Variants in PPP1R12B observed in about 807,000 individuals in gnomAD.
PPP1R12B encodes myosin phosphatase target subunit 2.
In PPP1R12B, 76 loss-of-function variants were observed where a neutral mutation model predicts 126.1. The observed-to-expected ratio is 0.60, with a 90% confidence interval of 0.50 to 0.73. The LOEUF (loss-of-function observed/expected upper bound fraction) is 0.73, where lower values mean the gene tolerates loss of function less well. Among genes scored for constraint, PPP1R12B ranks in the 30% least tolerant of loss-of-function variants. PPP1R12B has a pLI of 0.00. For missense variants in PPP1R12B, 1,052 were observed against 1,205.1 expected (o/e 0.87, Z 1.88); for synonymous variants, 356 against 434.7 (o/e 0.82, Z 2.25).
chr1:202,518,673 G>A (rs1291702431), intron 18 of PPP1R12B, among the ~76,000 whole-genome samples: 2 of 152,212 alleles, frequency 1.3e-5, no homozygotes, highest in East Asian at 3.8e-4. Flanking sequence ...GAGACTAAAT[G>A]TGACTTTTTT....
At chr1:202,383,924 A>T (rs1370222364) in intron 1 of PPP1R12B, among the ~76,000 whole-genome samples, 1 of 152,190 alleles carries the variant, frequency 6.6e-6, no homozygotes, top group Non-Finnish European at 1.5e-5. Flanking sequence ...TGTTTCTAGG[A>T]TGTTGTTGCT....
intron 23 of PPP1R12B, among the ~76,000 whole-genome samples, chr1:202,573,713 G>A (rs892343129): frequency 6.6e-6 from 1 of 152,164 alleles, no homozygotes; most frequent in Non-Finnish European, 1.5e-5. Flanking sequence ...GTCTTTAAAT[G>A]TCTTATGGAA....
In PPP1R12B at chr1:202,580,545, C is replaced by G; in HGVS notation, c.2934C>G (p.Ser978Arg). The change falls in exon 24 of 24, where the codon AGC (serine) becomes AGG (arginine). Residue 978 changes from serine (S) to arginine (R), a missense_variant. Transcript: ENST00000608999. ...DENGALIRVI[S>R]KLSK The stretch of plus-strand genomic sequence containing the variant: ...ATGGTGCCCTCATCAGAGTCATCAG[C>G]AAACTGTCCAAGTAGGCTAGGCTCC... The G allele has an allele frequency of 6.2e-7, 1 of 1,613,286 alleles. No individual in the cohort carries two copies. Among genetic ancestry groups the G allele is most frequent in the Non-Finnish European group, 8.5e-7 (1 of 1,179,222 alleles).
chr1:202,489,029 A>G (rs1334114806), intron 14 of PPP1R12B, among the ~76,000 whole-genome samples: 2 of 152,050 alleles, frequency 1.3e-5, no homozygotes, highest in African/African-American at 4.8e-5. Context: ...ACAGAGCGAG[A>G]CTCCATCTCA....
chr1:202,373,591 T>C (rs900035129), intron 1 of PPP1R12B, among the ~76,000 whole-genome samples: 1 of 152,178 alleles, frequency 6.6e-6, no homozygotes, highest in African/African-American at 2.4e-5. Flanking sequence ...CCTTCCTTTT[T>C]TTATTGTCAG....
In PPP1R12B at chr1:202,541,666, A is replaced by G. The variant is rs77971552; in HGVS notation, c.2491-17211A>G. Among the ~76,000 whole-genome samples the G allele has an allele frequency of 2.5e-3, 375 of 152,318 alleles. 2 individuals are homozygous for G. The highest frequency in any genetic ancestry group is 8.8e-3 in the African/African-American group (367 of 41,568). On this transcript the variant is annotated intron_variant, in intron 18 of 23. Transcript: ENST00000608999. ...CCCTTATTAATGTCTCTTCACCACT[A>G]TAACCATAGCTCCCAGAGCAATGTG...
rs1292335526 is a variant in PPP1R12B, at chr1:202,591,753, T to C, written c.*11193T>C. On this transcript the variant is annotated 3_prime_UTR_variant, in exon 24 of 24. Coordinates refer to ENST00000608999, the MANE Select transcript of PPP1R12B (RefSeq NM_002481.4). ...CAGACCCTCACACTACAGAGGTGAG[T>C]AAGCAGGGATGGTTCTGTCATCCCT... is the stretch of plus-strand genomic sequence containing the variant. 2 of 152,514 alleles carry C rather than the reference T, an allele frequency of 1.3e-5. No individual in the cohort carries two copies. Among genetic ancestry groups the C allele is most frequent in the East Asian group, 1.9e-4 (1 of 5,176 alleles). 9.4% of individuals were successfully genotyped at this position (152,514 alleles called of 1,614,324 possible). A position where few individuals can be genotyped will look rare whatever the true frequency, so the allele number is the denominator to read the frequency against.
intron 13 of PPP1R12B, among the ~76,000 whole-genome samples, chr1:202,451,955 G>A (rs952476989): frequency 3.5e-4 from 53 of 151,800 alleles, no homozygotes; most frequent in South Asian, 1.9e-3. Flanking sequence ...CAGACGGGGC[G>A]GCTGCTGGGC....
chr1:202,574,940 C>T, intron 23 of PPP1R12B: 3 of 1,445,254 alleles, frequency 2.1e-6, no homozygotes, highest in Non-Finnish European at 2.8e-6. Context: ...TTTCTCTCCT[C>T]TGGTCTGTCT....
intron 13 of PPP1R12B, among the ~76,000 whole-genome samples, chr1:202,477,637 A>G (rs1676836984): frequency 6.6e-6 from 1 of 152,080 alleles, no homozygotes; most frequent in Non-Finnish European, 1.5e-5. Flanking sequence ...TGGTGCAATC[A>G]TGGCTCACTG....
At chr1:202,492,060 G>C (rs1264733857) in intron 14 of PPP1R12B, among the ~76,000 whole-genome samples, 1 of 151,900 alleles carries the variant, frequency 6.6e-6, no homozygotes, top group East Asian at 1.9e-4. Context: ...CTGTATCTTT[G>C]TACAAGATCC....
intron 18 of PPP1R12B, among the ~76,000 whole-genome samples, chr1:202,519,964 C>T (rs923790246): frequency 6.6e-6 from 1 of 152,174 alleles, no homozygotes; most frequent in African/African-American, 2.4e-5. Flanking sequence ...AAACTTCATC[C>T]AGCTACCAGG....
intron 6 of PPP1R12B, among the ~76,000 whole-genome samples, chr1:202,430,229 C>G (rs1670020528): frequency 6.6e-6 from 1 of 152,142 alleles, no homozygotes. Flanking sequence ...AATAATATTT[C>G]TACACCAGTG....
chr1:202,471,575 G>GTT lies in PPP1R12B; in HGVS notation c.1851-16941_1851-16940dup, dbSNP rs71142533. Among the ~76,000 whole-genome samples the GTT allele has an allele frequency of 7.1e-3, 804 of 113,604 alleles. 7 individuals are homozygous for GTT. The highest frequency in any genetic ancestry group is 0.018 in the African/African-American group (522 of 29,694). The allele number at this position is 113,604 out of a possible 152,430, so 74.5% of individuals were successfully genotyped here. ...TTTTCAACTAGGTTAGACTTAAAAT[G>GTT]TTTTTTTTTTTTTTTTTTGCTGCTA... On this transcript the variant is annotated intron_variant, in intron 13 of 23. Transcript: ENST00000608999.
chr1:202,521,152 T>A lies in PPP1R12B; in HGVS notation c.2490+24330T>A, dbSNP rs186112893. On this transcript the variant is annotated intron_variant, in intron 18 of 23. Coordinates refer to ENST00000608999, the MANE Select transcript of PPP1R12B (RefSeq NM_002481.4). Reference sequence around the variant, plus strand: ...ACTTGGACCCAAAATACTTTTGGGCTAAAAATTCAGAACTGGGCTACCTAG... The same window carrying A: ...ACTTGGACCCAAAATACTTTTGGGCAAAAAATTCAGAACTGGGCTACCTAG... 1.8e-3 allele frequency among the ~76,000 whole-genome samples: 275 copies of A among 152,282 alleles called. 2 individuals carry two copies. Among genetic ancestry groups the A allele is most frequent in the African/African-American group, 6.4e-3 (267 of 41,558 alleles).
chr1:202,562,460 T>C (rs1375765231), intron 19 of PPP1R12B, among the ~76,000 whole-genome samples: 1 of 152,212 alleles, frequency 6.6e-6, no homozygotes, highest in Non-Finnish European at 1.5e-5. Context: ...AAGCACACTT[T>C]TGAGGGAAGC....
intron 13 of PPP1R12B, among the ~76,000 whole-genome samples, chr1:202,456,621 G>A (rs1185936270): frequency 6.6e-6 from 1 of 152,152 alleles, no homozygotes; most frequent in Non-Finnish European, 1.5e-5. Context: ...AATCTCAAAG[G>A]GTTCATGAAA....
In PPP1R12B at chr1:202,486,769, C is replaced by A. The variant is rs188350142; in HGVS notation, c.1851-1764C>A. Among the ~76,000 whole-genome samples the A allele has an allele frequency of 4.4e-4, 67 of 152,350 alleles. No homozygotes were observed. The South Asian group carries it at 7.0e-3, about 16-fold the overall frequency. ...GCTACAGTCAGCTGTGATCACGCCA[C>A]TGTACTCCAGCATGGGCAACGAAGT... On this transcript the variant is annotated intron_variant, in intron 13 of 23. Transcript: ENST00000608999.
intron 8 of PPP1R12B, 89 bp downstream of exon 8, chr1:202,431,708 G>T (rs551994098): frequency 1.6e-5 from 21 of 1,294,302 alleles, no homozygotes; most frequent in Non-Finnish European, 2.2e-5. Context: ...GGCCTCACAG[G>T]ACTCCAAAAA....
Sources: allele counts gnomAD v4.1 joint callset (sites outside exome capture counted in the v4.1 genomes callset), GRCh38; gene constraint gnomAD v4.1.1; transcripts MANE v1.5; gene names NCBI Gene and HGNC (gene_info 2026-07-23, HGNC 2026-07-21).